Variants in B3GALT1 observed in about 807,000 individuals in gnomAD.
The protein encoded by B3GALT1 is UDP-Gal:betaGlcNAc beta 1,3-galactosyltransferase, polypeptide 1.
Under a neutral mutation model 23.2 loss-of-function variants are expected in B3GALT1, and 10 were observed. The observed-to-expected ratio is 0.43, with a 90% CI of 0.27 to 0.73. The LOEUF is 0.73. B3GALT1 is among the 30% of genes least tolerant of loss of function. The pLI, the probability that B3GALT1 is intolerant of heterozygous loss-of-function variation, is 0.21. For missense variants in B3GALT1, 299 were observed against 405.4 expected (o/e 0.74, Z 2.25); for synonymous variants, 156 against 141.5 (o/e 1.10, Z -0.73).
At chr2:167,630,271 A>G (rs886176518) in intron 2 of B3GALT1, among the ~76,000 whole-genome samples, 1 of 151,846 alleles carries the variant, frequency 6.6e-6, no homozygotes, top group African/African-American at 2.4e-5. Flanking sequence ...TGACATCCTG[A>G]GGAAACAACC....
chr2:167,402,321 TTGTC>T (rs929563771), intron 1 of B3GALT1, among the ~76,000 whole-genome samples: 1 of 152,104 alleles, frequency 6.6e-6, no homozygotes, highest in Non-Finnish European at 1.5e-5. Context: ...AAGTTTTAGT[TTGTC>T]TTATGTGGCA....
intron 1 of B3GALT1, among the ~76,000 whole-genome samples, chr2:167,318,516 G>GT (rs1400932851): frequency 6.6e-6 from 1 of 150,624 alleles, no homozygotes; most frequent in Admixed American, 6.6e-5. Context: ...TTAGAAATTT[G>GT]TTTTTTAGGA....
Position 167,815,833 on chromosome 2 carries a change from G to A in B3GALT1, c.-351-2839G>A, listed in dbSNP as rs78077711. The stretch of plus-strand genomic sequence containing the variant: ...TGTGGGTGACAAATGTTGAGTCTAA[G>A]CTATTTCCCCAGAAAAACACAACAA... On this transcript the variant is annotated intron_variant, in intron 3 of 4. Transcript: ENST00000392690. 1.7e-3 allele frequency among the ~76,000 whole-genome samples: 261 copies of A among 152,258 alleles called. 4 individuals carry two copies. In the East Asian group the frequency reaches 0.038, roughly 22 times the overall value.
chr2:167,380,073 A>G (rs1450267896), intron 1 of B3GALT1, among the ~76,000 whole-genome samples: 1 of 152,136 alleles, frequency 6.6e-6, no homozygotes, highest in African/African-American at 2.4e-5. Context: ...AGCATGATCT[A>G]TGTCCAGGAA....
intron 2 of B3GALT1, among the ~76,000 whole-genome samples, chr2:167,642,457 CT>C (rs1403690836): frequency 3.3e-5 from 5 of 152,140 alleles, no homozygotes; most frequent in Non-Finnish European, 7.3e-5. Context: ...TGGATTAGTG[CT>C]GTGTAACTAC....
At chr2:167,477,544 C>T (rs191591893) in intron 1 of B3GALT1, among the ~76,000 whole-genome samples, 4 of 152,270 alleles carry the variant, frequency 2.6e-5, no homozygotes, top group Non-Finnish European at 2.9e-5. Flanking sequence ...TCCAAAGAAA[C>T]GTTTCTACTA....
At chr2:167,674,910 G>C (rs993934543) in intron 3 of B3GALT1, among the ~76,000 whole-genome samples, 12 of 152,026 alleles carry the variant, frequency 7.9e-5, no homozygotes, top group African/African-American at 2.7e-4. Context: ...AATACAAAAA[G>C]GCAAAACTGT....
chr2:167,549,417 A>T (rs1683706019), intron 2 of B3GALT1, among the ~76,000 whole-genome samples: 1 of 152,202 alleles, frequency 6.6e-6, no homozygotes, highest in Admixed American at 6.5e-5. Flanking sequence ...CATAAATAAC[A>T]GTATGCTCTT....
At chr2:167,761,656 A>C (rs1188820320) in intron 3 of B3GALT1, among the ~76,000 whole-genome samples, 1 of 152,082 alleles carries the variant, frequency 6.6e-6, no homozygotes, top group African/African-American at 2.4e-5. Flanking sequence ...GGCAAGTGAA[A>C]CCCTTACTAT....
intron 3 of B3GALT1, among the ~76,000 whole-genome samples, chr2:167,741,662 C>G (rs1214795664): frequency 6.6e-6 from 1 of 152,156 alleles, no homozygotes; most frequent in Non-Finnish European, 1.5e-5. Context: ...GTCCCCAGCC[C>G]TTGTAACCAC....
chr2:167,299,103 C>G (rs546766707), intron 1 of B3GALT1, among the ~76,000 whole-genome samples: 54 of 152,210 alleles, frequency 3.5e-4, no homozygotes, highest in African/African-American at 1.2e-3. Context: ...ATATACTGCA[C>G]TTAGTTTTAA....
intron 1 of B3GALT1, among the ~76,000 whole-genome samples, chr2:167,402,564 G>GT (rs1297868610): frequency 6.6e-6 from 1 of 152,168 alleles, no homozygotes; most frequent in East Asian, 1.9e-4. Flanking sequence ...AGTTATGAAG[G>GT]TTTTTTAATT....
intron 2 of B3GALT1, among the ~76,000 whole-genome samples, chr2:167,493,468 T>C (rs1238244390): frequency 6.6e-6 from 1 of 152,086 alleles, no homozygotes; most frequent in East Asian, 1.9e-4. Flanking sequence ...AAGAAAAAAA[T>C]AGGTAAACCA....
At chr2:167,775,119 A>G (rs1017226014) in intron 3 of B3GALT1, among the ~76,000 whole-genome samples, 5 of 152,228 alleles carry the variant, frequency 3.3e-5, no homozygotes, top group Non-Finnish European at 7.3e-5. Flanking sequence ...AGATAAATAT[A>G]TATTTTCAGA....
At chr2:167,715,390 A>C in intron 3 of B3GALT1, 1 of 1,613,548 alleles carries the variant, frequency 6.2e-7, no homozygotes, top group African/African-American at 1.3e-5. Flanking sequence ...CTTCTCGCAA[A>C]AGCTGTTTCT....
At chr2:167,850,163 T>C (rs949171002) in intron 4 of B3GALT1, among the ~76,000 whole-genome samples, 1 of 152,078 alleles carries the variant, frequency 6.6e-6, no homozygotes, top group Non-Finnish European at 1.5e-5. Context: ...AGGACTAATA[T>C]CCAGAATCTA....
intron 2 of B3GALT1, among the ~76,000 whole-genome samples, chr2:167,571,949 C>T (rs1411118099): frequency 6.6e-6 from 1 of 151,732 alleles, no homozygotes; most frequent in Non-Finnish European, 1.5e-5. Context: ...AATTATACAA[C>T]TTTTACAATC....
intron 3 of B3GALT1, among the ~76,000 whole-genome samples, chr2:167,760,373 G>GT (rs1687881786): frequency 6.6e-6 from 1 of 152,168 alleles, no homozygotes. Flanking sequence ...GAATCACTGA[G>GT]TATAAGGATT....
At chr2:167,866,387 C>CTTGAAA (rs1161114725) in intron 4 of B3GALT1, among the ~76,000 whole-genome samples, 18 of 152,194 alleles carry the variant, frequency 1.2e-4, no homozygotes, top group Non-Finnish European at 4.4e-5. Context: ...TGAAACCTTT[C>CTTGAAA]CTCCTAGTCT....
Sources: gnomAD v4.1 joint callset for allele counts (sites outside exome capture counted in the v4.1 genomes callset) on GRCh38, gnomAD v4.1.1 for gene constraint, MANE v1.5 for transcripts, NCBI Gene and HGNC (gene_info 2026-07-23, HGNC 2026-07-21) for gene names.